SGK3: variants seen among roughly 807,000 people sequenced by gnomAD.
SGK3 encodes the protein serum/glucocorticoid regulated kinase family member 3.
SGK3 carries 47 observed loss-of-function variants against 68.5 expected under a neutral mutation model. The observed-to-expected ratio is 0.69, with a 90% CI of 0.54 to 0.87. The LOEUF is 0.87. Among genes scored for constraint, SGK3 ranks in the 40% least tolerant of loss-of-function variants. SGK3 has a pLI of 0.00. For synonymous variants in SGK3, 181 were observed against 189.1 expected (o/e 0.96, Z 0.35); for missense variants, 479 against 575.5 (o/e 0.83, Z 1.72).
At chr8:66,759,541 C>T (rs748836682) in intron 1 of SGK3, among the ~76,000 whole-genome samples, 2 of 152,020 alleles carry the variant, frequency 1.3e-5, no homozygotes, top group African/African-American at 2.4e-5. Context: ...AAGCAATTCT[C>T]CTGCCTCAGC....
At chr8:66,744,055 T>G (rs1805558035) in intron 1 of SGK3, among the ~76,000 whole-genome samples, 2 of 152,216 alleles carry the variant, frequency 1.3e-5, no homozygotes. Context: ...TTTTGGCTTA[T>G]TCTGTACTTG....
intron 5 of SGK3, among the ~76,000 whole-genome samples, chr8:66,819,023 T>A (rs1247514894): frequency 6.6e-6 from 1 of 152,252 alleles, no homozygotes; most frequent in African/African-American, 2.4e-5. Context: ...TCCATCAGCA[T>A]GTGAAATCAC....
chr8:66,757,704 C>T (rs1806022792), intron 1 of SGK3, among the ~76,000 whole-genome samples: 1 of 151,204 alleles, frequency 6.6e-6, no homozygotes, highest in Non-Finnish European at 1.5e-5. Flanking sequence ...CACTTGAGGT[C>T]AGGAGTTTGA....
chr8:66,788,242 T>C (rs1380385522), intron 1 of SGK3, among the ~76,000 whole-genome samples: 2 of 152,244 alleles, frequency 1.3e-5, no homozygotes, highest in Non-Finnish European at 2.9e-5. Flanking sequence ...TTGCTTTTAC[T>C]GTACCAAGTG....
chr8:66,804,314 G>A (rs1019674383), intron 3 of SGK3, 61 bp from the exon 4 acceptor site: 49 of 1,418,018 alleles, frequency 3.5e-5, no homozygotes, highest in Admixed American at 2.4e-4. Context: ...TGGCTTTGAT[G>A]TGTGCATAAC....
chr8:66,755,966 T>A (rs1414048680), intron 1 of SGK3, among the ~76,000 whole-genome samples: 1 of 152,168 alleles, frequency 6.6e-6, no homozygotes, highest in Non-Finnish European at 1.5e-5. Flanking sequence ...GCCTGAATTG[T>A]GTCCCCTCAA....
intron 1 of SGK3, among the ~76,000 whole-genome samples, chr8:66,734,231 T>C (rs1418518692): frequency 1.6e-5 from 2 of 128,018 alleles, no homozygotes; most frequent in Non-Finnish European, 3.0e-5. Flanking sequence ...TTTCTTTCTT[T>C]TTTTTTTTTT....
At chr8:66,769,134 C>G (rs1403217190) in intron 1 of SGK3, among the ~76,000 whole-genome samples, 1 of 152,220 alleles carries the variant, frequency 6.6e-6, no homozygotes, top group Non-Finnish European at 1.5e-5. Context: ...ATCCCATCCT[C>G]CAACACCATC....
At chr8:66,732,725 A>G (rs1341067039) in intron 1 of SGK3, among the ~76,000 whole-genome samples, 1 of 151,998 alleles carries the variant, frequency 6.6e-6, no homozygotes, top group African/African-American at 2.4e-5. Flanking sequence ...CACACCTGTA[A>G]TCCCAGCTAC....
intron 2 of SGK3, among the ~76,000 whole-genome samples, chr8:66,795,570 A>G (rs1807646657): frequency 6.6e-6 from 1 of 152,138 alleles, no homozygotes; most frequent in Admixed American, 6.5e-5. Context: ...AAGTTCACAC[A>G]TAGCAAATGT....
At chr8:66,797,270 C>T (rs145935213) in intron 2 of SGK3, among the ~76,000 whole-genome samples, 20 of 152,338 alleles carry the variant, frequency 1.3e-4, no homozygotes, top group Non-Finnish European at 2.5e-4. Flanking sequence ...TATTCTCTTA[C>T]AGCAGTTCTG....
intron 1 of SGK3, among the ~76,000 whole-genome samples, chr8:66,727,831 C>A (rs1195217490): frequency 6.6e-6 from 1 of 152,094 alleles, no homozygotes; most frequent in Non-Finnish European, 1.5e-5. Flanking sequence ...TATAGCAGCA[C>A]AAATGGACTA....
In SGK3 at chr8:66,843,552, GT is replaced by G; in HGVS notation, c.1074+6del. ...TATGAAATGCTGTATGGATTGGTAT[GT>G]ATTTCTATACCTCATTATTCCAATG... On this transcript the variant is annotated splice_donor_region_variant and intron_variant, in intron 14 of 16. Transcript: ENST00000521198. 1 of 1,610,372 alleles carries G rather than the reference GT, an allele frequency of 6.2e-7. No homozygotes were observed. Among genetic ancestry groups the G allele is most frequent in the Non-Finnish European group, 8.5e-7 (1 of 1,177,186 alleles).
intron 1 of SGK3, among the ~76,000 whole-genome samples, chr8:66,728,379 T>C (rs1585637127): frequency 1.3e-5 from 2 of 151,462 alleles, no homozygotes; most frequent in Admixed American, 1.3e-4. Context: ...CAGGCTGGAG[T>C]GCAATGGCGA....
intron 1 of SGK3, among the ~76,000 whole-genome samples, chr8:66,771,754 C>A (rs562647176): frequency 6.6e-6 from 1 of 152,212 alleles, no homozygotes; most frequent in South Asian, 2.1e-4. Context: ...TGAAAATAAT[C>A]ATGGACTGAT....
chr8:66,775,122 G>C (rs1806645259), intron 1 of SGK3: 1 of 152,464 alleles, frequency 6.6e-6, no homozygotes, highest in Non-Finnish European at 1.5e-5. Context: ...GGGGCTGACC[G>C]AGCCATATTC....
At chr8:66,737,079 A>G (rs1322766509) in intron 1 of SGK3, 1 of 151,616 alleles carries the variant, frequency 6.6e-6, no homozygotes, top group Non-Finnish European at 1.5e-5. Context: ...TGCCCAACCA[A>G]TAATATTCCT....
intron 5 of SGK3, among the ~76,000 whole-genome samples, chr8:66,814,546 G>A (rs1476914038): frequency 6.6e-6 from 1 of 152,212 alleles, no homozygotes; most frequent in Non-Finnish European, 1.5e-5. Flanking sequence ...GGTGACTGGA[G>A]CTGAGTAGAT....
chr8:66,731,492 C>A (rs1427702733), intron 1 of SGK3, among the ~76,000 whole-genome samples: 4 of 152,120 alleles, frequency 2.6e-5, no homozygotes, highest in Admixed American at 2.6e-4. Context: ...AAATTATTTA[C>A]TTTCTTTACC....
Sources: gnomAD v4.1 joint callset for allele counts (sites outside exome capture counted in the v4.1 genomes callset) on GRCh38, gnomAD v4.1.1 for gene constraint, MANE v1.5 for transcripts, NCBI Gene and HGNC (gene_info 2026-07-23, HGNC 2026-07-21) for gene names.